The following ZNG1B variants were observed in gnomAD, a reference collection of about 807,000 sequenced individuals.
ZNG1B encodes the protein Zn regulated GTPase metalloprotein activator 1B.
chr2:113,461,229 T>A, the ZNG1B span, among the ~76,000 whole-genome samples: 32,835 of 150,474 alleles, frequency 0.22, 3,766 homozygotes, highest in East Asian at 0.52. Context: ...GCATTTTTTT[T>A]TAAATTTTTT....
At chr2:113,485,878 A>G in the ZNG1B span, among the ~76,000 whole-genome samples, 1 of 152,164 alleles carries the variant, frequency 6.6e-6, no homozygotes, top group Admixed American at 6.5e-5. Flanking sequence ...AAACCTGAGT[A>G]AGTTGTTCCT....
the ZNG1B span, among the ~76,000 whole-genome samples, chr2:113,491,841 A>T: frequency 1.8e-5 from 2 of 112,724 alleles, no homozygotes; most frequent in South Asian, 3.4e-4. Context: ...TGAATAGACA[A>T]TTCTTAAAAG....
chr2:113,475,363 T>G, the ZNG1B span, among the ~76,000 whole-genome samples: 1 of 152,152 alleles, frequency 6.6e-6, no homozygotes, highest in Non-Finnish European at 1.5e-5. Flanking sequence ...TCCATCCCTT[T>G]ATTTTGAGCC....
the ZNG1B span, among the ~76,000 whole-genome samples, chr2:113,452,889 G>A: frequency 6.6e-6 from 1 of 150,516 alleles, no homozygotes; most frequent in South Asian, 2.1e-4. Flanking sequence ...TTGTTTATAT[G>A]TGGTTAGAAT....
chr2:113,443,701 C>T, the ZNG1B span: 1 of 1,612,908 alleles, frequency 6.2e-7, no homozygotes, highest in African/African-American at 1.3e-5. Context: ...ATTGAGTTAT[C>T]CTCATCTTTG....
At chr2:113,443,061 C>T in the ZNG1B span, among the ~76,000 whole-genome samples, 5 of 151,560 alleles carry the variant, frequency 3.3e-5, no homozygotes, top group African/African-American at 7.3e-5. Flanking sequence ...CTCCGCCTCC[C>T]GGGTTCACGC....
the ZNG1B span, chr2:113,445,406 G>A: frequency 2.2e-5 from 5 of 226,136 alleles, no homozygotes; most frequent in South Asian, 1.3e-4. Context: ...TATTAGTTCC[G>A]GAACCTCTGA....
chr2:113,484,464 A>G, the ZNG1B span, among the ~76,000 whole-genome samples: 3 of 151,692 alleles, frequency 2.0e-5, no homozygotes, highest in African/African-American at 7.3e-5. Context: ...GACCTTCCTG[A>G]TTCTGCCATT....
the ZNG1B span, among the ~76,000 whole-genome samples, chr2:113,438,857 T>A: frequency 6.6e-6 from 1 of 152,382 alleles, no homozygotes; most frequent in East Asian, 1.9e-4. Flanking sequence ...TCCTAGTTGT[T>A]GCTAGAGACA....
chr2:113,474,567 T>C, the ZNG1B span, among the ~76,000 whole-genome samples: 1 of 147,288 alleles, frequency 6.8e-6, no homozygotes, highest in Non-Finnish European at 1.5e-5. Context: ...TCTAGTTCTT[T>C]TAATTGTGAT....
chr2:113,464,460 A>C, the ZNG1B span, among the ~76,000 whole-genome samples: 4 of 116,710 alleles, frequency 3.4e-5, no homozygotes, highest in Non-Finnish European at 7.4e-5. Context: ...GATTGATGAT[A>C]GGCAATGGAA....
chr2:113,473,179 T>C, the ZNG1B span, among the ~76,000 whole-genome samples: 1 of 151,778 alleles, frequency 6.6e-6, no homozygotes, highest in Non-Finnish European at 1.5e-5. Flanking sequence ...TGGTTTGTAG[T>C]TCTCCTTGAA....
chr2:113,484,934 G>A, the ZNG1B span, among the ~76,000 whole-genome samples: 1 of 151,844 alleles, frequency 6.6e-6, no homozygotes, highest in East Asian at 1.9e-4. Context: ...CAAAGTGCTG[G>A]GATTACAGGC....
the ZNG1B span, among the ~76,000 whole-genome samples, chr2:113,445,800 T>A: frequency 0.15 from 21,022 of 135,830 alleles, 1,943 homozygotes; most frequent in East Asian, 0.34. Flanking sequence ...ACCATTATTT[T>A]TTTTTTTTTT....
At chr2:113,475,234 CATT>C in the ZNG1B span, among the ~76,000 whole-genome samples, 11 of 148,960 alleles carry the variant, frequency 7.4e-5, no homozygotes, top group African/African-American at 2.7e-4. Flanking sequence ...ATCCCTTTAC[CATT>C]ATGTAATGGC....
the ZNG1B span, among the ~76,000 whole-genome samples, chr2:113,448,732 A>G: frequency 6.6e-6 from 1 of 151,920 alleles, no homozygotes; most frequent in Non-Finnish European, 1.5e-5. Flanking sequence ...GTGAAACCCC[A>G]TCTCGGCTAA....
At chr2:113,478,289 A>AT in the ZNG1B span, among the ~76,000 whole-genome samples, 8,081 of 151,416 alleles carry the variant, frequency 0.053, 697 homozygotes, top group African/African-American at 0.19. Flanking sequence ...TTATTTATTT[A>AT]TTTTTTTGAG....
the ZNG1B span, among the ~76,000 whole-genome samples, chr2:113,490,539 CA>C: frequency 2.0e-5 from 3 of 152,024 alleles, no homozygotes; most frequent in African/African-American, 7.2e-5. Flanking sequence ...ATAAATGAAA[CA>C]AAAAGCTGGT....
At chr2:113,485,604 G>A in the ZNG1B span, among the ~76,000 whole-genome samples, 14 of 148,162 alleles carry the variant, frequency 9.4e-5, no homozygotes, top group Non-Finnish European at 1.9e-4. Flanking sequence ...TAGAAAAATC[G>A]GGAAGGCAAA....
Sources: allele counts gnomAD v4.1 joint callset (sites outside exome capture counted in the v4.1 genomes callset), GRCh38; gene constraint gnomAD v4.1.1; transcripts MANE v1.5; gene names NCBI Gene and HGNC (gene_info 2026-07-23, HGNC 2026-07-21).